RCHY1: variants seen among roughly 807,000 people sequenced by gnomAD.
RCHY1 encodes the protein ring finger and CHY zinc finger domain containing 1, also known as RING finger and CHY zinc finger domain-containing protein 1.
Under a neutral mutation model 41.6 loss-of-function variants are expected in RCHY1, and 21 were observed. The observed-to-expected ratio is 0.51, with a 90% CI of 0.36 to 0.73. The LOEUF is 0.73. Ranked by LOEUF, RCHY1 falls within the 30% of genes least tolerant of loss-of-function variation. The pLI is 0.00. For missense variants in RCHY1, 265 were observed against 325.3 expected, an observed-to-expected ratio of 0.81 and a Z score of 1.43; for synonymous variants, 79 against 102.9, an observed-to-expected ratio of 0.77 and a Z score of 1.41.
intron 8 of RCHY1, among the ~76,000 whole-genome samples, chr4:75,490,338 G>A (rs1398196458): frequency 2.0e-5 from 3 of 151,890 alleles, no homozygotes; most frequent in Non-Finnish European, 4.4e-5. Flanking sequence ...TCAGAATGAA[G>A]TTTTTGCCTG....
At position 75,487,554 on chromosome 4, in the gene RCHY1, A is replaced by AT. The variant is rs1553917537; in HGVS notation, c.657+3026_657+3027insA. Among the ~76,000 whole-genome samples, 301 of 48,190 alleles carry AT rather than the reference A, an allele frequency of 6.2e-3. 10 individuals are homozygous for AT. Among genetic ancestry groups the AT allele is most frequent in the African/African-American group, 0.017 (227 of 13,608 alleles). The allele number at this position is 48,190 out of a possible 152,430, so 31.6% of individuals were successfully genotyped here. A position where few individuals can be genotyped will look rare whatever the true frequency, so the allele number is the denominator to read the frequency against. On this transcript the variant is annotated intron_variant, in intron 8 of 8. Coordinates refer to ENST00000324439, the MANE Select transcript of RCHY1 (RefSeq NM_015436.4). ...ATATATTCATAATATATATATTCATAATATATTCATAATATATATATTCAT... is the reference window on the plus strand; with the variant it reads ...ATATATTCATAATATATATATTCATATATATATTCATAATATATATATTCAT...
Position 75,491,914 on chromosome 4 carries a change from C to A in RCHY1, c.425G>T (p.Arg142Leu). ...GRHKCIENVS[R>L]QNCPICLEDI... Reference sequence around the variant, plus strand: ...CTCCAAACATATTGGACAATTCTGTCGGGACACATTTTCAATACACTGTTT... The same window carrying A: ...CTCCAAACATATTGGACAATTCTGTAGGGACACATTTTCAATACACTGTTT... Residue 142 changes from arginine to leucine, a missense_variant, in exon 5 of 9, where the codon CGA becomes CTA. By Grantham distance (102) the Arg-to-Leu change is moderately radical. Transcript: ENST00000324439. 6.2e-7 allele frequency: 1 copy of A among 1,606,956 alleles called. No homozygotes were observed.
intron 3 of RCHY1, 124 bp from the exon 4 acceptor site, chr4:75,494,303 G>A (rs1722992405): frequency 3.0e-6 from 2 of 661,650 alleles, no homozygotes; most frequent in African/African-American, 3.9e-5. Context: ...GAGAATATGG[G>A]ATAAATCCCT....
chr4:75,494,178 T>A lies in RCHY1; in HGVS notation c.328A>T (p.Ile110Phe). ...TGGAAAAAATCTTCCTTTGGACCAATCCTAGCAAAACACATGAAAGCCAAA... is the reference window on the plus strand; with the variant it reads ...TGGAAAAAATCTTCCTTTGGACCAAACCTAGCAAAACACATGAAAGCCAAA... ...YHCENCGICR[I>F]GPKEDFFHCL... The change falls in exon 4 of 9, where the codon ATT becomes TTT. Residue 110 changes from isoleucine (I) to phenylalanine (F), a missense_variant and splice_region_variant. Transcript: ENST00000324439. 6.4e-7 allele frequency: 1 copy of A among 1,564,306 alleles called. No individual in the cohort carries two copies. The highest frequency in any genetic ancestry group is 8.6e-7 in the Non-Finnish European group (1 of 1,158,282).
rs910279983 is a variant in RCHY1, at chr4:75,479,780, C to G, written c.*2758G>C. 2.0e-5 allele frequency: 3 copies of G among 152,030 alleles called. No homozygotes were observed. Among genetic ancestry groups the G allele is most frequent in the African/African-American group, 7.2e-5 (3 of 41,400 alleles). The allele number at this position is 152,030 out of a possible 1,614,324, so 9.4% of individuals were successfully genotyped here. A position where few individuals can be genotyped will look rare whatever the true frequency, so the allele number is the denominator to read the frequency against. Reference sequence around the variant, plus strand: ...GATACAAATTCTGCGGCAGGGCAACCTAACTTATTTCAGGGACAGATAATT... The same window carrying G: ...GATACAAATTCTGCGGCAGGGCAACGTAACTTATTTCAGGGACAGATAATT... On this transcript the variant is annotated 3_prime_UTR_variant, in exon 9 of 9. Coordinates refer to ENST00000324439, the MANE Select transcript of RCHY1 (RefSeq NM_015436.4).
At chr4:75,484,488 CT>C (rs1234977802) in intron 8 of RCHY1, among the ~76,000 whole-genome samples, 1 of 152,052 alleles carries the variant, frequency 6.6e-6, no homozygotes, top group Non-Finnish European at 1.5e-5. Context: ...CAAATTTTGG[CT>C]TTTGGAAATT....
chr4:75,493,060 T>A (rs945547897), intron 4 of RCHY1, among the ~76,000 whole-genome samples: 38 of 152,086 alleles, frequency 2.5e-4, no homozygotes, highest in African/African-American at 7.7e-4. Flanking sequence ...ACACTACACA[T>A]GCTTTGGAAA....
rs1722720165 is a variant in RCHY1, at chr4:75,491,233, C to T, written c.536+378G>A. On this transcript the variant is annotated intron_variant, in intron 7 of 8. Coordinates refer to ENST00000324439, the MANE Select transcript of RCHY1 (RefSeq NM_015436.4). ...GTCTTAGCTTTAATGATCACTTCAC[C>T]TACTTTCTTTTAGTTTACTATACTT... is the stretch of plus-strand genomic sequence containing the variant. 1.7e-5 allele frequency: 3 copies of T among 174,386 alleles called. No individual in the cohort carries two copies. In the South Asian group the frequency reaches 5.1e-4, roughly 30 times the overall value. The allele number at this position is 174,386 out of a possible 1,614,324, so 10.8% of individuals were successfully genotyped here. A position where few individuals can be genotyped will look rare whatever the true frequency, so the allele number is the denominator to read the frequency against.
chr4:75,491,540 C>T (rs1195099327), intron 7 of RCHY1, 71 bp downstream of exon 7: 1 of 1,378,552 alleles, frequency 7.3e-7, no homozygotes, highest in East Asian at 2.3e-5. Flanking sequence ...CAATGTTTGT[C>T]CACCTCCCCA....
rs1487882178 is a variant in RCHY1, at chr4:75,490,777, C to T, written c.537-76G>A. On this transcript the variant is annotated intron_variant, in intron 7 of 8. Transcript: ENST00000324439. ...ATTCAGGTATACAAGAAGATGCAGG[C>T]TAACTGCCACATGAACCATTCAAAA... The T allele has an allele frequency of 7.6e-6, 8 of 1,055,444 alleles. No homozygotes were observed. In the East Asian group the frequency reaches 1.9e-4, roughly 25 times the overall value. The allele number at this position is 1,055,444 out of a possible 1,614,324, so 65.4% of individuals were successfully genotyped here. A position where few individuals can be genotyped will look rare whatever the true frequency, so the allele number is the denominator to read the frequency against.
chr4:75,491,422 G>A (rs1722738715), intron 7 of RCHY1, 189 bp downstream of exon 7: 1 of 459,390 alleles, frequency 2.2e-6, no homozygotes, highest in East Asian at 3.4e-5. Context: ...AGAAACATAT[G>A]GCAAAAGTGT....
In RCHY1 at chr4:75,479,108, T is replaced by C. The variant is rs1318631989; in HGVS notation, c.*3430A>G. On this transcript the variant is annotated 3_prime_UTR_variant, in exon 9 of 9. Coordinates refer to ENST00000324439, the MANE Select transcript of RCHY1 (RefSeq NM_015436.4). ...AGTATAATAAATAATGCATTGTACATTTCAAAAATATTAAGAGTAGATTTT... is the reference window on the plus strand; with the variant it reads ...AGTATAATAAATAATGCATTGTACACTTCAAAAATATTAAGAGTAGATTTT... 6.6e-6 allele frequency: 1 copy of C among 152,102 alleles called. No individual in the cohort carries two copies. The highest frequency in any genetic ancestry group is 2.4e-5 in the African/African-American group (1 of 41,428). The allele number at this position is 152,102 out of a possible 1,614,324, so 9.4% of individuals were successfully genotyped here. A position where few individuals can be genotyped will look rare whatever the true frequency, so the allele number is the denominator to read the frequency against.
chr4:75,506,703 G>A (rs1015359809), intron 3 of RCHY1, among the ~76,000 whole-genome samples: 1 of 151,350 alleles, frequency 6.6e-6, no homozygotes, highest in African/African-American at 2.4e-5. Context: ...CAGAAGAGGT[G>A]GGAAAACGGT....
intron 8 of RCHY1, among the ~76,000 whole-genome samples, chr4:75,487,931 G>T (rs1722391278): frequency 7.7e-6 from 1 of 130,120 alleles, no homozygotes; most frequent in African/African-American, 3.1e-5. Flanking sequence ...TCCTATTTTG[G>T]TCAAGTATTT....
intron 2 of RCHY1, 109 bp downstream of exon 2, chr4:75,509,068 C>T: frequency 4.0e-6 from 5 of 1,237,094 alleles, no homozygotes; most frequent in Non-Finnish European, 5.6e-6. Context: ...AAAGATATTG[C>T]TTATTCTAGA....
In RCHY1 at chr4:75,481,003, G is replaced by A. The variant is rs1398311466; in HGVS notation, c.*1535C>T. 1 of 152,202 alleles carries A rather than the reference G, an allele frequency of 6.6e-6. No individual in the cohort carries two copies. Among genetic ancestry groups the A allele is most frequent in the African/African-American group, 2.4e-5 (1 of 41,434 alleles). The allele number at this position is 152,202 out of a possible 1,614,324, so 9.4% of individuals were successfully genotyped here. ...AAAACCACTTCAAAAAAAAGTATTA[G>A]ATCTGGAAAACTAGTCTTTACTTAT... On this transcript the variant is annotated 3_prime_UTR_variant, in exon 9 of 9. Coordinates refer to ENST00000324439, the MANE Select transcript of RCHY1 (RefSeq NM_015436.4).
intron 4 of RCHY1, among the ~76,000 whole-genome samples, chr4:75,493,683 A>G (rs942631150): frequency 6.6e-6 from 1 of 151,888 alleles, no homozygotes; most frequent in African/African-American, 2.4e-5. Flanking sequence ...CATAATTCCT[A>G]CATCCAGATT....
At chr4:75,485,039 C>A (rs1369661517) in intron 8 of RCHY1, among the ~76,000 whole-genome samples, 1 of 152,160 alleles carries the variant, frequency 6.6e-6, no homozygotes, top group African/African-American at 2.4e-5. Flanking sequence ...CAAATTAAAT[C>A]TACTAGCCTT....
In RCHY1 at chr4:75,508,933, G is replaced by A. The variant is rs916822924; in HGVS notation, c.213C>T (p.Ala71=). ...QCINCEKIQH[A]QQTCEECSTL... is the part of the protein sequence containing the mutation. ...TGCTACATTCTTCACAAGTCTGTTGGGCCTAAAAAAGAAACATAATTAAAA... is the reference window on the plus strand; with the variant it reads ...TGCTACATTCTTCACAAGTCTGTTGAGCCTAAAAAAGAAACATAATTAAAA... Residue 71 remains alanine, a splice_region_variant and synonymous_variant, in exon 3 of 9, where the codon GCC becomes GCT. Transcript: ENST00000324439. The A allele has an allele frequency of 3.8e-6, 6 of 1,582,256 alleles. No individual in the cohort carries two copies. The highest frequency in any genetic ancestry group is 1.2e-5 in the South Asian group (1 of 86,046).
Sources: allele counts gnomAD v4.1 joint callset (sites outside exome capture counted in the v4.1 genomes callset), GRCh38; gene constraint gnomAD v4.1.1; transcripts MANE v1.5; gene names NCBI Gene and HGNC (gene_info 2026-07-23, HGNC 2026-07-21).